Variants in GSE1 observed in about 807,000 individuals in gnomAD.
GSE1 encodes genetic suppressor element 1.
Under a neutral mutation model 112.6 loss-of-function variants are expected in GSE1, and 32 were observed. The observed-to-expected ratio is 0.28, with a 90% CI of 0.21 to 0.38. The LOEUF (loss-of-function observed/expected upper bound fraction) is 0.38. Ranked by LOEUF, GSE1 falls within the 10% of genes least tolerant of loss-of-function variation. The pLI is 1.00. For missense variants in GSE1, 2,348 were observed against 1,699.2 expected, an observed-to-expected ratio of 1.38 and a Z score of -6.71; for synonymous variants, 1,115 against 735.6, an observed-to-expected ratio of 1.52 and a Z score of -8.35.
rs185720326 is a variant in GSE1, at chr16:85,200,800, C to T, written c.2283+28993C>T. 1.3e-4 allele frequency among the ~76,000 whole-genome samples: 20 copies of T among 152,274 alleles called. No homozygotes were observed. The East Asian group carries it at 2.3e-3, about 18-fold the overall frequency. On this transcript the variant is annotated intron_variant, in intron 1 of 2. Coordinates refer to the GSE1 transcript ENST00000637419. ...GTGTACAGTTCGGTGGCATTAAATG[C>T]GTTCACAGTGCTGTGCAGCCACCAC...
chr16:85,574,968 C>T (rs973771191), intron 1 of GSE1, among the ~76,000 whole-genome samples: 1 of 152,212 alleles, frequency 6.6e-6, no homozygotes, highest in Non-Finnish European at 1.5e-5. Flanking sequence ...CCCGACAAGG[C>T]CGGGCAGCCC....
At chr16:85,641,142 ACCCTGTGCCTCCCTGCAGC>A (rs1185284846) in intron 2 of GSE1, among the ~76,000 whole-genome samples, 8 of 152,048 alleles carry the variant, frequency 5.3e-5, no homozygotes, top group African/African-American at 1.9e-4. Context: ...TCCCTGATGC[ACCCTGTGCCTCCCTGCAGC>A]CCCTGTGCCC....
chr16:85,588,732 G>A lies in GSE1; in HGVS notation c.37+32369G>A, dbSNP rs192171116. On this transcript the variant is annotated intron_variant, in intron 1 of 2. Coordinates refer to the GSE1 transcript ENST00000635906. ...GCAGGCGGCGAAATCTGCCGTGGCC[G>A]TTATTAACAAGGAGCACTTTCCTGG... 5.2e-4 allele frequency among the ~76,000 whole-genome samples: 79 copies of A among 152,296 alleles called. No homozygotes were observed. The South Asian group carries it at 0.011, about 21-fold the overall frequency.
intron 1 of GSE1, among the ~76,000 whole-genome samples, chr16:85,588,676 G>C (rs1349717942): frequency 6.6e-6 from 1 of 152,202 alleles, no homozygotes; most frequent in Non-Finnish European, 1.5e-5. Context: ...TTCCCGACTT[G>C]GCGGGCTGCA....
In GSE1 at chr16:85,673,945, CCTT is replaced by C. The variant is rs1248082059; in HGVS notation, c.*1407_*1409del. ...GCCACAAGGTCTGAGCTGAACCCCT[CCTT>C]TTTGAACTTACTGTGACAAGCACAG... On this transcript the variant is annotated 3_prime_UTR_variant, in exon 16 of 16. Transcript: ENST00000253458. 4 of 152,374 alleles carry C rather than the reference CCTT, an allele frequency of 2.6e-5. No homozygotes were observed. Among genetic ancestry groups the C allele is most frequent in the Non-Finnish European group, 5.9e-5 (4 of 68,034 alleles). 9.4% of individuals were successfully genotyped at this position (152,374 alleles called of 1,614,324 possible).
At chr16:85,612,875 G>A (rs1350677789), upstream of GSE1, among the ~76,000 whole-genome samples, 5 of 152,202 alleles carry the variant, frequency 3.3e-5, no homozygotes, top group Non-Finnish European at 7.3e-5. Context: ...GGACGCAGCT[G>A]CGAGACAGGG....
At chr16:85,383,870 C>T (rs148050979) in intron 2 of GSE1, among the ~76,000 whole-genome samples, 1,918 of 152,294 alleles carry the variant, frequency 0.013, 22 homozygotes, top group Middle Eastern at 0.058. Flanking sequence ...CAGAGTGGAC[C>T]ACTGGTCTCT....
chr16:85,191,704 G>T (rs2074825875), intron 1 of GSE1, among the ~76,000 whole-genome samples: 1 of 152,214 alleles, frequency 6.6e-6, no homozygotes, highest in East Asian at 1.9e-4. Flanking sequence ...CCTCGTGCCT[G>T]TGATGGGCTC....
At chr16:85,646,557 C>T (rs1373062080) in intron 2 of GSE1, among the ~76,000 whole-genome samples, 1 of 152,204 alleles carries the variant, frequency 6.6e-6, no homozygotes, top group Non-Finnish European at 1.5e-5. Context: ...CTGTGCTGGA[C>T]ACCAGTTGGG....
rs1432825899 is a variant in GSE1, at chr16:85,674,921, A to T, written c.*2382A>T. 1 of 152,670 alleles carries T rather than the reference A, an allele frequency of 6.6e-6. No homozygotes were observed. The highest frequency in any genetic ancestry group is 1.5e-5 in the Non-Finnish European group (1 of 68,036). The allele number at this position is 152,670 out of a possible 1,614,324, so 9.5% of individuals were successfully genotyped here. On this transcript the variant is annotated 3_prime_UTR_variant, in exon 16 of 16. Transcript: ENST00000253458. ...GATCTGAGTACTCTACTCTTGCTCA[A>T]GAAGTAATACGACAATCAGAATACA...
chr16:85,468,700 C>T (rs2050195949), intron 2 of GSE1, among the ~76,000 whole-genome samples: 1 of 152,146 alleles, frequency 6.6e-6, no homozygotes, highest in African/African-American at 2.4e-5. Flanking sequence ...CCATGTCTCT[C>T]CCCTCCCTGC....
chr16:85,332,142 A>C (rs1413165403), intron 1 of GSE1, among the ~76,000 whole-genome samples: 1 of 152,118 alleles, frequency 6.6e-6, no homozygotes, highest in Non-Finnish European at 1.5e-5. Context: ...AGTCACACCC[A>C]AGCAAGTGGG....
At chr16:85,458,492 G>A (rs570172482) in intron 2 of GSE1, among the ~76,000 whole-genome samples, 5 of 152,326 alleles carry the variant, frequency 3.3e-5, no homozygotes, top group Admixed American at 2.6e-4. Context: ...AGAGATGGAG[G>A]CCCTGTCCCA....
intron 1 of GSE1, among the ~76,000 whole-genome samples, chr16:85,623,582 C>T (rs1262412516): frequency 6.6e-6 from 1 of 152,232 alleles, no homozygotes; most frequent in African/African-American, 2.4e-5. Context: ...CCCCACAGCT[C>T]TCAGCCTTCA....
intron 2 of GSE1, among the ~76,000 whole-genome samples, chr16:85,474,607 C>A (rs1255249397): frequency 6.6e-6 from 1 of 151,782 alleles, no homozygotes; most frequent in Admixed American, 6.6e-5. Flanking sequence ...GTCTCCTCCC[C>A]CAGTCCCCCT....
At chr16:85,306,745 G>A (rs2045689828) in intron 1 of GSE1, among the ~76,000 whole-genome samples, 2 of 152,164 alleles carry the variant, frequency 1.3e-5, no homozygotes, top group Admixed American at 1.3e-4. Context: ...ATAAGAGCGG[G>A]CCACCTCCAG....
intron 2 of GSE1, among the ~76,000 whole-genome samples, chr16:85,476,602 C>G (rs191978621): frequency 6.6e-6 from 1 of 151,674 alleles, no homozygotes. Context: ...GAATGCTGTT[C>G]CTGGCTGACC....
intron 1 of GSE1, among the ~76,000 whole-genome samples, chr16:85,561,963 T>C (rs116740038): frequency 0.011 from 1,718 of 152,260 alleles, 30 homozygotes; most frequent in African/African-American, 0.039. Flanking sequence ...CCAGGGTGCT[T>C]GGAGCCGAGG....
chr16:85,219,262 C>T (rs1440762843), intron 1 of GSE1, among the ~76,000 whole-genome samples: 2 of 152,222 alleles, frequency 1.3e-5, no homozygotes, highest in African/African-American at 4.8e-5. Flanking sequence ...GATCTGCCTG[C>T]CTTGGCCTCC....
Sources: gnomAD v4.1 joint callset for allele counts (sites outside exome capture counted in the v4.1 genomes callset) on GRCh38, gnomAD v4.1.1 for gene constraint, MANE v1.5 for transcripts, NCBI Gene and HGNC (gene_info 2026-07-23, HGNC 2026-07-21) for gene names.